LEP: variants seen among roughly 807,000 people sequenced by gnomAD.
LEP encodes leptin (murine obesity homolog).
Under a neutral mutation model 9.8 loss-of-function variants are expected in LEP, and 6 were observed. That is an observed-to-expected ratio of 0.61 (90% confidence interval 0.34 to 1.21). The LOEUF (loss-of-function observed/expected upper bound fraction) is 1.21, where lower values mean the gene tolerates loss of function less well. Among genes scored for constraint, LEP ranks in the 50% most tolerant of loss-of-function variants. The pLI, the probability that LEP is intolerant of heterozygous loss-of-function variation, is 0.04. For synonymous variants in LEP, 112 were observed against 81.7 expected (o/e 1.37, Z -2.00); for missense variants, 134 against 198.1 (o/e 0.68, Z 1.94).
At chr7:128,252,249 C>G in intron 2 of LEP, 87 bp downstream of exon 2, 1 of 1,469,662 alleles carries the variant, frequency 6.8e-7, no homozygotes, top group South Asian at 1.1e-5. Flanking sequence ...GTCCAAGAAA[C>G]ATTTATTGAA....
At chr7:128,252,814 C>A (rs1447720812) in intron 2 of LEP, among the ~76,000 whole-genome samples, 4 of 151,890 alleles carry the variant, frequency 2.6e-5, no homozygotes, top group Non-Finnish European at 5.9e-5. Context: ...CTTTAGGAGG[C>A]CAAGGTAGGA....
At position 128,256,706 on chromosome 7, in the gene LEP, T is replaced by C. The variant is rs1283270913; in HGVS notation, c.*1943T>C. The C allele has an allele frequency of 6.6e-6, 1 of 152,162 alleles. No individual in the cohort carries two copies. Among genetic ancestry groups the C allele is most frequent in the African/African-American group, 2.4e-5 (1 of 41,428 alleles). The allele number at this position is 152,162 out of a possible 1,614,324, so 9.4% of individuals were successfully genotyped here. On this transcript the variant is annotated 3_prime_UTR_variant, in exon 3 of 3. Transcript: ENST00000308868. ...ATAGCCACATCCCTTTGAAACAAGA[T>C]AACTGAGAATTTAAAAATAAGAAAA...
At chr7:128,246,701 G>A (rs1057092422) in intron 1 of LEP, among the ~76,000 whole-genome samples, 3 of 151,776 alleles carry the variant, frequency 2.0e-5, no homozygotes, top group Non-Finnish European at 4.4e-5. Flanking sequence ...GGGCTCAAGC[G>A]ATCCTCCTGC....
At chr7:128,243,656 C>T (rs1795177448) in intron 1 of LEP, among the ~76,000 whole-genome samples, 1 of 152,160 alleles carries the variant, frequency 6.6e-6, no homozygotes, top group Non-Finnish European at 1.5e-5. Flanking sequence ...TTTATTAAGA[C>T]AACTCCGTAA....
At position 128,252,028 on chromosome 7, in the gene LEP, G is replaced by T; in HGVS notation, c.10G>T (p.Gly4Ter). The T allele has an allele frequency of 1.2e-6, 2 of 1,614,152 alleles. No homozygotes were observed. Among genetic ancestry groups the T allele is most frequent in the Non-Finnish European group, 1.7e-6 (2 of 1,180,030 alleles). ...CATCCTGGGAAGGAAAATGCATTGG[G>T]GAACCCTGTGCGGATTCTTGTGGCT... is the stretch of plus-strand genomic sequence containing the variant. The part of the protein sequence containing the change: MHW[G>*]TLCGFLWLWP... Residue 4 changes from glycine (G) to a stop codon, truncating the protein, a stop_gained, in exon 2 of 3, where the codon GGA becomes TGA. Coordinates refer to ENST00000308868, the MANE Select transcript of LEP (RefSeq NM_000230.3). LOFTEE classifies it high-confidence loss of function.
chr7:128,248,215 G>A (rs771382724), intron 1 of LEP, among the ~76,000 whole-genome samples: 1 of 152,198 alleles, frequency 6.6e-6, no homozygotes, highest in Non-Finnish European at 1.5e-5. Flanking sequence ...TGGATTACAT[G>A]AGGTCAGGAG....
intron 1 of LEP, among the ~76,000 whole-genome samples, chr7:128,251,367 G>A (rs1030814742): frequency 6.6e-6 from 1 of 152,230 alleles, no homozygotes; most frequent in Admixed American, 6.5e-5. Flanking sequence ...CAGGCTCCCA[G>A]TGGGTGGGAG....
chr7:128,248,340 G>C (rs983669650), intron 1 of LEP, among the ~76,000 whole-genome samples: 5 of 152,120 alleles, frequency 3.3e-5, no homozygotes, highest in African/African-American at 1.2e-4. Context: ...GCTGAGGCAG[G>C]AAAATGGCTT....
At position 128,255,024 on chromosome 7, in the gene LEP, C is replaced by G. The variant is rs1209554036; in HGVS notation, c.*261C>G. The G allele has an allele frequency of 4.0e-6, 2 of 502,968 alleles. No individual in the cohort carries two copies. Among genetic ancestry groups the G allele is most frequent in the Non-Finnish European group, 7.3e-6 (2 of 275,556 alleles). The allele number at this position is 502,968 out of a possible 1,614,324, so 31.2% of individuals were successfully genotyped here. ...AAGAGTGGGCTGCATCTGGGATTCC[C>G]ACCAAGGTCTTCAGCCATCAACAAG... On this transcript the variant is annotated 3_prime_UTR_variant, in exon 3 of 3. Transcript: ENST00000308868.
intron 1 of LEP, among the ~76,000 whole-genome samples, chr7:128,241,869 C>T (rs1316028144): frequency 6.6e-6 from 1 of 152,180 alleles, no homozygotes; most frequent in African/African-American, 2.4e-5. Context: ...GTCAGGAAGA[C>T]TCAAAATCTT....
chr7:128,247,393 C>T (rs1455828248), intron 1 of LEP, among the ~76,000 whole-genome samples: 3 of 152,222 alleles, frequency 2.0e-5, no homozygotes, highest in African/African-American at 7.2e-5. Context: ...CCTCATGTCT[C>T]TCCTAGTTTC....
Position 128,254,899 on chromosome 7 carries a change from C to A in LEP, c.*136C>A. 2.1e-6 allele frequency: 2 copies of A among 953,880 alleles called. No homozygotes were observed. The highest frequency in any genetic ancestry group is 1.4e-5 in the South Asian group (1 of 71,982). The allele number at this position is 953,880 out of a possible 1,614,324, so 59.1% of individuals were successfully genotyped here. The stretch of plus-strand genomic sequence containing the variant: ...TGTCAATTTCCCTGACTCCTCTAAG[C>A]CACTCTTCCAAAGGCATAAGACCCT... On this transcript the variant is annotated 3_prime_UTR_variant, in exon 3 of 3. Transcript: ENST00000308868.
rs1795344932 is a variant in LEP at position 128,256,697 on chromosome 7, G to A, written c.*1934G>A. 6.6e-6 allele frequency: 1 copy of A among 152,166 alleles called. No homozygotes were observed. Among genetic ancestry groups the A allele is most frequent in the African/African-American group, 2.4e-5 (1 of 41,452 alleles). The allele number at this position is 152,166 out of a possible 1,614,324, so 9.4% of individuals were successfully genotyped here. ...GCTTCTATTATAGCCACATCCCTTT[G>A]AAACAAGATAACTGAGAATTTAAAA... On this transcript the variant is annotated 3_prime_UTR_variant, in exon 3 of 3. Transcript: ENST00000308868.
chr7:128,243,747 C>T (rs763373573), intron 1 of LEP, among the ~76,000 whole-genome samples: 2 of 152,182 alleles, frequency 1.3e-5, no homozygotes, highest in Non-Finnish European at 2.9e-5. Context: ...GCAGGTTACC[C>T]TAGTTAGCCA....
At position 128,254,659 on chromosome 7, in the gene LEP, G is replaced by A; in HGVS notation, c.400G>A (p.Val134Ile). ...GLETLDSLGG[V>I]LEASGYSTEV... ...GGAGACCTTGGACAGCCTGGGGGGT[G>A]TCCTGGAAGCTTCAGGCTACTCCAC... The change falls in exon 3 of 3, where the codon GTC becomes ATC. Residue 134 changes from valine to isoleucine, a missense_variant. Coordinates refer to ENST00000308868, the MANE Select transcript of LEP (RefSeq NM_000230.3). 1.2e-6 allele frequency: 2 copies of A among 1,614,118 alleles called. No individual in the cohort carries two copies. The highest frequency in any genetic ancestry group is 3.3e-4 in the Middle Eastern group (2 of 6,062).
Position 128,256,032 on chromosome 7 carries a change from G to A in LEP, c.*1269G>A, listed in dbSNP as rs1380351617. On this transcript the variant is annotated 3_prime_UTR_variant, in exon 3 of 3. Coordinates refer to ENST00000308868, the MANE Select transcript of LEP (RefSeq NM_000230.3). ...TGGTCCAGGGTTGATCACACTCTGG[G>A]TTTATTACATGGCAGTGTTCCTATT... The A allele has an allele frequency of 6.6e-6, 1 of 152,170 alleles. No homozygotes were observed. Among genetic ancestry groups the A allele is most frequent in the Non-Finnish European group, 1.5e-5 (1 of 68,036 alleles). 9.4% of individuals were successfully genotyped at this position (152,170 alleles called of 1,614,324 possible).
chr7:128,253,744 A>T lies in LEP; in HGVS notation c.145-660A>T, dbSNP rs116857910. ...AACTCTTGTCTCCTTTAAAAATAAT[A>T]AAAAAAAATTAGCTGGGCATATTAG... On this transcript the variant is annotated intron_variant, in intron 2 of 2. Transcript: ENST00000308868. Among the ~76,000 whole-genome samples the T allele has an allele frequency of 8.3e-3, 1,257 of 151,732 alleles. 23 individuals are homozygous for T. The highest frequency in any genetic ancestry group is 0.052 in the East Asian group (267 of 5,162).
chr7:128,242,187 T>C (rs1227721911), intron 1 of LEP, among the ~76,000 whole-genome samples: 1 of 152,210 alleles, frequency 6.6e-6, no homozygotes, highest in African/African-American at 2.4e-5. Context: ...ACAAGTGGCC[T>C]GGCTGTCATT....
At chr7:128,248,826 T>C (rs188026445) in intron 1 of LEP, among the ~76,000 whole-genome samples, 2 of 152,296 alleles carry the variant, frequency 1.3e-5, no homozygotes, top group African/African-American at 4.8e-5. Flanking sequence ...CTTTCCTGTG[T>C]TTCCATATCT....
Sources: allele counts gnomAD v4.1 joint callset (sites outside exome capture counted in the v4.1 genomes callset), GRCh38; gene constraint gnomAD v4.1.1; transcripts MANE v1.5; gene names NCBI Gene and HGNC (gene_info 2026-07-23, HGNC 2026-07-21).